LMBRD1: variants seen among roughly 807,000 people sequenced by gnomAD.
LMBRD1 encodes the protein LMBR1 domain containing 1.
LMBRD1 carries 64 observed loss-of-function variants against 74.8 expected under a neutral mutation model. The observed-to-expected ratio is 0.86, with a 90% CI of 0.70 to 1.05. The LOEUF (loss-of-function observed/expected upper bound fraction) is 1.05. Ranked by LOEUF, LMBRD1 falls within the 50% of genes least tolerant of loss-of-function variation. The pLI is 0.00. For missense variants in LMBRD1, 652 were observed against 645.9 expected, an observed-to-expected ratio of 1.01 and a Z score of -0.10; for synonymous variants, 204 against 216.3, an observed-to-expected ratio of 0.94 and a Z score of 0.50.
intron 8 of LMBRD1, 146 bp downstream of exon 8, chr6:69,718,810 G>T: frequency 1.3e-6 from 1 of 770,770 alleles, no homozygotes; most frequent in Non-Finnish European, 2.2e-6. Flanking sequence ...TTTAAGTGAG[G>T]ACACAGTCAA....
rs557837324 is a variant in LMBRD1 at position 69,674,283 on chromosome 6, A to C, written c.*1875T>G. Among the ~76,000 whole-genome samples, 1 of 152,222 alleles carries C rather than the reference A, an allele frequency of 6.6e-6. No homozygotes were observed. The highest frequency in any genetic ancestry group is 1.9e-4 in the East Asian group (1 of 5,206). ...TTTAAAAGGCCCTATCTCCACATAAAGTATTATTCTATGAAGTACCAGGGG... is the reference window on the plus strand; with the variant it reads ...TTTAAAAGGCCCTATCTCCACATAACGTATTATTCTATGAAGTACCAGGGG... On this transcript the variant is annotated 3_prime_UTR_variant, in exon 16 of 16. Transcript: ENST00000649934.
chr6:69,755,623 C>T (rs77872155), intron 3 of LMBRD1, among the ~76,000 whole-genome samples: 2,403 of 150,034 alleles, frequency 0.016, 51 homozygotes, highest in African/African-American at 0.055. Flanking sequence ...AACAGGTATT[C>T]CAAAGCTTTA....
intron 3 of LMBRD1, among the ~76,000 whole-genome samples, chr6:69,774,002 T>C (rs1346660378): frequency 6.6e-6 from 1 of 152,178 alleles, no homozygotes; most frequent in Non-Finnish European, 1.5e-5. Context: ...GCCTGAAAAC[T>C]AGTGTCAAGA....
At chr6:69,741,411 C>G (rs1202672954) in intron 6 of LMBRD1, among the ~76,000 whole-genome samples, 7 of 149,784 alleles carry the variant, frequency 4.7e-5, no homozygotes, top group Non-Finnish European at 8.9e-5. Context: ...GAGTCTCGCT[C>G]TGTCTTGCTC....
At chr6:69,782,822 G>T (rs1035847929) in intron 2 of LMBRD1, among the ~76,000 whole-genome samples, 1 of 152,156 alleles carries the variant, frequency 6.6e-6, no homozygotes. Flanking sequence ...ACCCTTGTCA[G>T]GGTAAATTAG....
At chr6:69,693,209 A>G (rs1319229893) in intron 14 of LMBRD1, among the ~76,000 whole-genome samples, 1 of 152,098 alleles carries the variant, frequency 6.6e-6, no homozygotes, top group Non-Finnish European at 1.5e-5. Flanking sequence ...AGAGAACTTC[A>G]TAAAAATAGT....
intron 4 of LMBRD1, among the ~76,000 whole-genome samples, chr6:69,749,772 TAAC>T (rs776136016): frequency 1.3e-4 from 20 of 150,948 alleles, no homozygotes; most frequent in Admixed American, 4.6e-4. Flanking sequence ...AAATGGTTTA[TAAC>T]AATAATAAAC....
At chr6:69,767,230 A>C (rs1765490855) in intron 3 of LMBRD1, among the ~76,000 whole-genome samples, 1 of 147,304 alleles carries the variant, frequency 6.8e-6, no homozygotes, top group African/African-American at 2.5e-5. Context: ...TCTAACCTTT[A>C]TTTTTCTTCT....
intron 1 of LMBRD1, among the ~76,000 whole-genome samples, chr6:69,793,618 G>C (rs75520536): frequency 0.088 from 13,314 of 151,942 alleles, 781 homozygotes; most frequent in Admixed American, 0.15. Flanking sequence ...TAGATTACAG[G>C]CATGAGATAC....
At chr6:69,770,248 C>A (rs773895590) in intron 3 of LMBRD1, among the ~76,000 whole-genome samples, 3 of 152,212 alleles carry the variant, frequency 2.0e-5, no homozygotes, top group Admixed American at 6.5e-5. Flanking sequence ...AGCAGTACAG[C>A]TGTAGGTCCT....
At chr6:69,711,601 G>A (rs901876083) in intron 9 of LMBRD1, among the ~76,000 whole-genome samples, 1 of 151,486 alleles carries the variant, frequency 6.6e-6, no homozygotes, top group Non-Finnish European at 1.5e-5. Context: ...ATCACCTTGG[G>A]GTAAAAAAAA....
intron 1 of LMBRD1, among the ~76,000 whole-genome samples, 166 bp downstream of exon 1, chr6:69,796,633 ACACCCCCCTGCCCC>A (rs1239883668): frequency 6.6e-6 from 1 of 151,958 alleles, no homozygotes; most frequent in Non-Finnish European, 1.5e-5. Context: ...CCGGAAATCG[ACACCCCCCTGCCCC>A]CGCCGCCCGC....
intron 13 of LMBRD1, 108 bp downstream of exon 13, chr6:69,698,935 T>C (rs929387509): frequency 1.4e-6 from 1 of 738,342 alleles, no homozygotes; most frequent in African/African-American, 1.8e-5. Flanking sequence ...ATATTAAATA[T>C]AATCTGATGA....
chr6:69,777,938 T>C (rs1267831082), intron 3 of LMBRD1, among the ~76,000 whole-genome samples: 1 of 152,198 alleles, frequency 6.6e-6, no homozygotes. Flanking sequence ...AGATAGTATC[T>C]AGCATTTGAA....
chr6:69,753,112 AT>A (rs901168613), intron 3 of LMBRD1, among the ~76,000 whole-genome samples: 5 of 152,192 alleles, frequency 3.3e-5, no homozygotes, highest in South Asian at 4.1e-4. Flanking sequence ...TTTAAAAAAA[AT>A]GTTAGATTTG....
rs1765500504 is a variant in LMBRD1 at position 69,674,204 on chromosome 6, C to A, written c.*1954G>T. Among the ~76,000 whole-genome samples, 1 of 152,130 alleles carries A rather than the reference C, an allele frequency of 6.6e-6. No individual in the cohort carries two copies. Among genetic ancestry groups the A allele is most frequent in the Non-Finnish European group, 1.5e-5 (1 of 68,030 alleles). ...GTCTCTCCCCCTTCTTATAAGAACA[C>A]CAGTCATATTGGATTTGGGCTTCAC... On this transcript the variant is annotated 3_prime_UTR_variant, in exon 16 of 16. Coordinates refer to ENST00000649934, the MANE Select transcript of LMBRD1 (RefSeq NM_018368.4).
At chr6:69,678,447 A>G (rs925964683) in intron 14 of LMBRD1, among the ~76,000 whole-genome samples, 1 of 152,010 alleles carries the variant, frequency 6.6e-6, no homozygotes. Flanking sequence ...AAAATCTGGC[A>G]TAAGTGAACC....
intron 7 of LMBRD1, among the ~76,000 whole-genome samples, chr6:69,730,884 G>T (rs962773222): frequency 3.3e-5 from 5 of 152,006 alleles, no homozygotes; most frequent in African/African-American, 1.2e-4. Context: ...ATATGCAAAA[G>T]GATTCCCTTC....
Position 69,790,325 on chromosome 6 carries a change from A to G in LMBRD1, c.217T>C (p.Tyr73His). The change falls in exon 2 of 16, where the codon TAC becomes CAC. Residue 73 changes from tyrosine (Y) to histidine (H), a missense_variant. Tyr to His is a moderately conservative substitution (Grantham distance 83). Around this residue, in one of 3 missense-constraint regions of LMBRD1, gnomAD observed 598 missense variants for 581.8 expected, o/e 1.03. Transcript: ENST00000649934. ...LLPVDIFLVS[Y>H]MKNQNGTFKD... The stretch of plus-strand genomic sequence containing the variant: ...AATGTACCATTTTGATTTTTCATGT[A>G]AGAAACCAAAAATATATCCACTGGT... The G allele has an allele frequency of 1.1e-5, 18 of 1,612,702 alleles. No individual in the cohort carries two copies. Among genetic ancestry groups the G allele is most frequent in the Non-Finnish European group, 1.5e-5 (18 of 1,178,806 alleles).
Sources: gnomAD v4.1 joint callset for allele counts (sites outside exome capture counted in the v4.1 genomes callset) on GRCh38, gnomAD v4.1.1 for gene constraint, gnomAD v4.1.1 regional missense constraint, MANE v1.5 for transcripts, NCBI Gene and HGNC (gene_info 2026-07-23, HGNC 2026-07-21) for gene names.